Variants in VAV1 observed in about 807,000 individuals in gnomAD.
VAV1 encodes proto-oncogene vav.
A neutral mutation model predicts 128.1 loss-of-function variants in VAV1; 33 were observed. That is an observed-to-expected ratio of 0.26 (90% CI 0.20 to 0.34). VAV1 has a LOEUF of 0.34. Among genes scored for constraint, VAV1 ranks in the 10% least tolerant of loss-of-function variants. VAV1 has a pLI of 1.00. For missense variants in VAV1, 715 were observed against 1,093.7 expected, an observed-to-expected ratio of 0.65 and a Z score of 4.88; for synonymous variants, 394 against 409.8, an observed-to-expected ratio of 0.96 and a Z score of 0.47.
intron 1 of VAV1, among the ~76,000 whole-genome samples, chr19:6,794,319 T>C (rs910627281): frequency 2.0e-5 from 3 of 151,902 alleles, no homozygotes; most frequent in African/African-American, 2.4e-5. Context: ...CATAGAAACA[T>C]TGGGGAGAGG....
At chr19:6,811,102 C>T (rs1251179492) in intron 1 of VAV1, among the ~76,000 whole-genome samples, 1 of 152,176 alleles carries the variant, frequency 6.6e-6, no homozygotes, top group Non-Finnish European at 1.5e-5. Context: ...GTGGCACGAT[C>T]TCAGCTCACT....
In VAV1 at chr19:6,828,971, G is replaced by A; in HGVS notation, c.1265+71G>A. 6.4e-7 allele frequency: 1 copy of A among 1,569,976 alleles called. No individual in the cohort carries two copies. ...GTGGGACCAGGCTCCTAGATGGGCA[G>A]GTGGGTGGAGTCAACACAGATCTGG... On this transcript the variant is annotated intron_variant, in intron 13 of 26. Coordinates refer to ENST00000602142, the MANE Select transcript of VAV1 (RefSeq NM_005428.4). The surrounding 1 kb of genome is among the most constrained non-coding windows in gnomAD (Gnocchi z 4.5).
intron 26 of VAV1, among the ~76,000 whole-genome samples, chr19:6,855,421 C>CATCT (rs1333548052): frequency 6.6e-6 from 1 of 151,220 alleles, no homozygotes; most frequent in African/African-American, 2.4e-5. Flanking sequence ...TCCATCTATC[C>CATCT]ATCTATCTAT....
At position 6,833,521 on chromosome 19, in the gene VAV1, A is replaced by G. The variant is rs772533197; in HGVS notation, c.1611-7A>G. ...TCGCTCTTCTTTATGTGTTCCCTGC[A>G]TCTCAGAGGTACCTTCTATCAGGGC... On this transcript the variant is annotated splice_region_variant and splice_polypyrimidine_tract_variant and intron_variant, in intron 16 of 26. Transcript: ENST00000602142. 5 of 1,592,716 alleles carry G rather than the reference A, an allele frequency of 3.1e-6. No individual in the cohort carries two copies. The highest frequency in any genetic ancestry group is 1.8e-5 in the Admixed American group (1 of 57,044).
intron 21 of VAV1, among the ~76,000 whole-genome samples, chr19:6,840,299 C>CTTTTTTTTTTTT (rs1399297947): frequency 7.8e-6 from 1 of 127,766 alleles, no homozygotes; most frequent in African/African-American, 2.7e-5. Flanking sequence ...TCAGAATTTT[C>CTTTTTTTTTTTT]TTTCTTTTTT....
chr19:6,808,936 C>T (rs1971455598), intron 1 of VAV1, among the ~76,000 whole-genome samples: 1 of 152,084 alleles, frequency 6.6e-6, no homozygotes, highest in Non-Finnish European at 1.5e-5. Context: ...GTCTCTCATC[C>T]TCTGGCAATT....
At position 6,820,013 on chromosome 19, in the gene VAV1, C is replaced by G. The variant is rs1971747636; in HGVS notation, c.205-689C>G. Among the ~76,000 whole-genome samples, 1 of 152,066 alleles carries G rather than the reference C, an allele frequency of 6.6e-6. No individual in the cohort carries two copies. Among genetic ancestry groups the G allele is most frequent in the South Asian group, 2.1e-4 (1 of 4,830 alleles). ...AAACAAGAAAAGGAATGTTTTGGCT[C>G]ATGAAATAAAAAAGTTTAGGGATGG... On this transcript the variant is annotated intron_variant, in intron 1 of 26. Transcript: ENST00000602142. This position sits in a 1 kb window ranked among gnomAD's most constrained non-coding sequence, Gnocchi z 4.4.
chr19:6,781,253 C>A (rs1970761594), intron 1 of VAV1, among the ~76,000 whole-genome samples: 2 of 152,208 alleles, frequency 1.3e-5, no homozygotes, highest in South Asian at 4.1e-4. Context: ...ATTTTGTCAA[C>A]CGAAGTGCTA....
intron 1 of VAV1, among the ~76,000 whole-genome samples, chr19:6,776,748 C>T (rs532314541): frequency 6.7e-6 from 1 of 149,262 alleles, no homozygotes; most frequent in East Asian, 2.1e-4. Context: ...ATCCACTAAT[C>T]TGTCTTTTTT....
At chr19:6,854,244 C>CCTGGAAGAAGAG in intron 26 of VAV1, 146 bp downstream of exon 26, 1 of 975,254 alleles carries the variant, frequency 1.0e-6, no homozygotes, top group Non-Finnish European at 1.5e-6. Context: ...ACAGGGATGT[C>CCTGGAAGAAGAG]ATTTATGCAT....
chr19:6,801,051 C>A (rs964625605), intron 1 of VAV1, among the ~76,000 whole-genome samples: 8 of 152,200 alleles, frequency 5.3e-5, no homozygotes, highest in African/African-American at 1.9e-4. Context: ...CACCCTCTCA[C>A]CACCCTCATC....
Position 6,857,121 on chromosome 19 carries a change from G to C in VAV1, c.*14G>C, listed in dbSNP as rs1240352039. 1.1e-5 allele frequency: 18 copies of C among 1,613,936 alleles called. No homozygotes were observed. Among genetic ancestry groups the C allele is most frequent in the Non-Finnish European group, 1.4e-5 (17 of 1,179,986 alleles). On this transcript the variant is annotated 3_prime_UTR_variant, in exon 27 of 27. Coordinates refer to ENST00000602142, the MANE Select transcript of VAV1 (RefSeq NM_005428.4). ...GAATACTGCTGAGCCCTGGTGCCTT[G>C]GCAGAGAGACGAGAAACTCCAGGCT...
At chr19:6,804,283 G>A (rs906734583) in intron 1 of VAV1, among the ~76,000 whole-genome samples, 1 of 151,630 alleles carries the variant, frequency 6.6e-6, no homozygotes, top group South Asian at 2.1e-4. Flanking sequence ...GAATTCAAGG[G>A]TGATTCCAGT....
intron 1 of VAV1, among the ~76,000 whole-genome samples, chr19:6,791,404 C>T (rs558368606): frequency 6.6e-6 from 1 of 151,942 alleles, no homozygotes; most frequent in East Asian, 1.9e-4. Flanking sequence ...GAGCTAGCTC[C>T]TCATCTCGAG....
chr19:6,855,581 A>C (rs141454588), intron 26 of VAV1, among the ~76,000 whole-genome samples: 1 of 151,950 alleles, frequency 6.6e-6, no homozygotes, highest in East Asian at 1.9e-4. Flanking sequence ...TAAAACATTA[A>C]TCTATCCATT....
rs1054696685 is a variant in VAV1, at chr19:6,834,892, C to T, written c.1777+939C>T. 2.0e-5 allele frequency among the ~76,000 whole-genome samples: 3 copies of T among 150,972 alleles called. No homozygotes were observed. The South Asian group carries it at 6.2e-4, about 31-fold the overall frequency. ...AGAGGCCAAGGCCAGGAGTTTGAGA[C>T]AAGCGTGGGCAACAGAACGAGACCC... On this transcript the variant is annotated intron_variant, in intron 19 of 26. Transcript: ENST00000602142.
intron 21 of VAV1, among the ~76,000 whole-genome samples, chr19:6,837,960 A>T (rs998980719): frequency 4.6e-5 from 7 of 152,104 alleles, no homozygotes; most frequent in African/African-American, 1.2e-4. Flanking sequence ...TTTATCAAAA[A>T]TTTTTTTGTT....
chr19:6,813,592 AC>A (rs1971558214), intron 1 of VAV1, among the ~76,000 whole-genome samples: 1 of 152,046 alleles, frequency 6.6e-6, no homozygotes, highest in Non-Finnish European at 1.5e-5. Context: ...TAGGACTCAT[AC>A]CCTTTATTTT....
At chr19:6,793,283 G>A (rs574305924) in intron 1 of VAV1, among the ~76,000 whole-genome samples, 22 of 152,052 alleles carry the variant, frequency 1.4e-4, no homozygotes, top group African/African-American at 4.3e-4. Context: ...GCAGTGAGCC[G>A]AGATCGCGCC....
Sources: gnomAD v4.1 joint callset for allele counts (sites outside exome capture counted in the v4.1 genomes callset) on GRCh38, gnomAD v4.1.1 for gene constraint, Gnocchi (gnomAD v3.1) non-coding constraint, MANE v1.5 for transcripts, NCBI Gene and HGNC (gene_info 2026-07-23, HGNC 2026-07-21) for gene names.